Variants in ARID5B observed in about 807,000 individuals in gnomAD.
ARID5B encodes AT-rich interactive domain-containing protein 5B.
A neutral mutation model predicts 97.2 loss-of-function variants in ARID5B; 13 were observed. That is an observed-to-expected ratio of 0.13 (90% confidence interval 0.09 to 0.21). The LOEUF (loss-of-function observed/expected upper bound fraction) is 0.21, where lower values mean the gene tolerates loss of function less well. Ranked by LOEUF, ARID5B falls within the 10% of genes least tolerant of loss-of-function variation. ARID5B has a pLI of 1.00. For missense variants in ARID5B, 1,210 were observed against 1,465.3 expected (o/e 0.83, Z 2.84); for synonymous variants, 556 against 570.3 (o/e 0.97, Z 0.36).
chr10:62,077,086 G>T (rs1249613029), intron 8 of ARID5B, among the ~76,000 whole-genome samples: 2 of 152,154 alleles, frequency 1.3e-5, no homozygotes, highest in African/African-American at 4.8e-5. Flanking sequence ...ACTCCACCAA[G>T]CTTGTTCTTA....
chr10:61,940,748 A>G (rs1036128309), intron 3 of ARID5B, among the ~76,000 whole-genome samples: 1 of 151,210 alleles, frequency 6.6e-6, no homozygotes, highest in Non-Finnish European at 1.5e-5. Flanking sequence ...GTAGTATGAC[A>G]TCTATTAACA....
intron 4 of ARID5B, among the ~76,000 whole-genome samples, chr10:62,033,660 A>G (rs1008493386): frequency 6.6e-6 from 1 of 152,220 alleles, no homozygotes; most frequent in Non-Finnish European, 1.5e-5. Context: ...GAAATGATGT[A>G]TTAATATTAC....
chr10:62,023,590 A>G lies in ARID5B; in HGVS notation c.733+23269A>G, dbSNP rs564395315. ...TGGAAGAGGATAAGGAATTTAAAGC[A>G]GACTGTCAAGTCAGAAACAACAGAC... On this transcript the variant is annotated intron_variant, in intron 4 of 9. Transcript: ENST00000279873. 1.5e-4 allele frequency among the ~76,000 whole-genome samples: 23 copies of G among 152,362 alleles called. No homozygotes were observed. The South Asian group carries it at 4.8e-3, about 32-fold the overall frequency.
At chr10:61,957,707 A>G (rs1166043778) in intron 3 of ARID5B, among the ~76,000 whole-genome samples, 3 of 152,246 alleles carry the variant, frequency 2.0e-5, no homozygotes, top group Non-Finnish European at 2.9e-5. Flanking sequence ...GGCATGTTGA[A>G]ATAATATTTT....
intron 4 of ARID5B, among the ~76,000 whole-genome samples, chr10:62,011,230 C>A (rs1336110728): frequency 6.6e-6 from 1 of 152,160 alleles, no homozygotes; most frequent in Non-Finnish European, 1.5e-5. Flanking sequence ...AGTAGGAGAT[C>A]AAATCTTTTA....
chr10:62,016,211 C>T (rs1206964944), intron 4 of ARID5B, among the ~76,000 whole-genome samples: 1 of 152,232 alleles, frequency 6.6e-6, no homozygotes, highest in Non-Finnish European at 1.5e-5. Context: ...CACTCATACG[C>T]TTACATCTTA....
Position 62,000,183 on chromosome 10 carries a change from T to G in ARID5B, c.595T>G (p.Ser199Ala). 1 of 1,614,070 alleles carries G rather than the reference T, an allele frequency of 6.2e-7. No individual in the cohort carries two copies. The highest frequency in any genetic ancestry group is 8.5e-7 in the Non-Finnish European group (1 of 1,179,948). Residue 199 changes from serine (S) to alanine (A), a missense_variant, in exon 4 of 10, where the codon TCT (serine) becomes GCT (alanine). By Grantham distance (99) the Ser-to-Ala change is moderately conservative. Coordinates refer to ENST00000279873, the MANE Select transcript of ARID5B (RefSeq NM_032199.3). The surrounding 1 kb of genome is among the most constrained non-coding windows in gnomAD (Gnocchi z 4.4). ...GCTGAAACGCATCCAGGATAAGCCA[T>G]CTTCCATTCTAACGGACCAGTTTGC... is the stretch of plus-strand genomic sequence containing the variant. The part of the protein sequence containing the change: ...SMLKRIQDKP[S>A]SILTDQFALA...
chr10:61,902,383 T>C lies in ARID5B; in HGVS notation c.246T>C (p.Thr82=), dbSNP rs751607314. The C allele has an allele frequency of 3.7e-6, 6 of 1,613,936 alleles. No individual in the cohort carries two copies. In the Admixed American group the frequency reaches 6.7e-5, roughly 18 times the overall value. ...SSKLYFLPED[T]PQGRNSDHGE... is the part of the protein sequence containing the mutation. ...AACTTTATTTCCTCCCAGAAGACAC[T>C]CCCCAGGGCAGAAATAGCGACCATG... Residue 82 remains threonine, a synonymous_variant, in exon 2 of 10, where the codon ACT becomes ACC. Transcript: ENST00000279873.
At chr10:61,931,718 A>G (rs1345458434) in intron 2 of ARID5B, among the ~76,000 whole-genome samples, 4 of 152,250 alleles carry the variant, frequency 2.6e-5, no homozygotes, top group Non-Finnish European at 5.9e-5. Context: ...TTGGTGAGTT[A>G]GCACCTGAAG....
Position 62,091,140 on chromosome 10 carries a change from C to T in ARID5B, c.1677C>T (p.Ala559=), listed in dbSNP as rs550214367. 9.3e-6 allele frequency: 15 copies of T among 1,614,174 alleles called. No individual in the cohort carries two copies. Among genetic ancestry groups the T allele is most frequent in the Non-Finnish European group, 1.3e-5 (15 of 1,180,038 alleles). ...PEKDSALVPG[A]SKQPLTSPSA... ...AAGATTCAGCCTTGGTCCCTGGGGC[C>T]AGCAAACAGCCACTCACCTCTCCTA... The change falls in exon 10 of 10, where the codon GCC becomes GCT. Residue 559 remains alanine, a synonymous_variant. Coordinates refer to ENST00000279873, the MANE Select transcript of ARID5B (RefSeq NM_032199.3).
At chr10:62,014,528 A>G (rs1266281715) in intron 4 of ARID5B, among the ~76,000 whole-genome samples, 3 of 152,050 alleles carry the variant, frequency 2.0e-5, no homozygotes, top group Admixed American at 6.6e-5. Context: ...GGAGGTATAT[A>G]CTCTGTATGC....
intron 7 of ARID5B, among the ~76,000 whole-genome samples, chr10:62,063,785 A>T (rs1839952593): frequency 6.6e-6 from 1 of 152,232 alleles, no homozygotes; most frequent in South Asian, 2.1e-4. Context: ...ACATTTGAAG[A>T]GGTAGAGCTG....
intron 3 of ARID5B, among the ~76,000 whole-genome samples, chr10:61,951,954 G>A (rs939692298): frequency 2.6e-5 from 4 of 151,580 alleles, no homozygotes; most frequent in African/African-American, 4.9e-5. Context: ...TTTAATTATC[G>A]TTGGGCATTT....
intron 3 of ARID5B, among the ~76,000 whole-genome samples, chr10:61,990,505 T>C (rs1028703797): frequency 6.6e-6 from 1 of 152,220 alleles, no homozygotes; most frequent in African/African-American, 2.4e-5. Context: ...TGACTGCTCT[T>C]ATCCTTTGGA....
At chr10:61,973,305 A>G (rs1838655161) in intron 3 of ARID5B, among the ~76,000 whole-genome samples, 1 of 152,196 alleles carries the variant, frequency 6.6e-6, no homozygotes, top group Non-Finnish European at 1.5e-5. Context: ...TAGCAAAGTG[A>G]TGGGCTGAGA....
At chr10:62,045,445 G>C (rs1030849983) in intron 4 of ARID5B, among the ~76,000 whole-genome samples, 1 of 91,778 alleles carries the variant, frequency 1.1e-5, no homozygotes, top group African/African-American at 3.8e-5. Context: ...ACTTGCCAGG[G>C]TATTTTTTTT....
At chr10:62,037,656 T>G (rs1359556714) in intron 4 of ARID5B, among the ~76,000 whole-genome samples, 1 of 152,200 alleles carries the variant, frequency 6.6e-6, no homozygotes, top group African/African-American at 2.4e-5. Context: ...ACCGCCCCCC[T>G]TCTTTATTAT....
intron 4 of ARID5B, among the ~76,000 whole-genome samples, chr10:62,013,623 A>G (rs1220884538): frequency 6.6e-6 from 1 of 151,042 alleles, no homozygotes; most frequent in Non-Finnish European, 1.5e-5. Context: ...TCTACTCTCT[A>G]CTCCTAGGAA....
intron 7 of ARID5B, among the ~76,000 whole-genome samples, chr10:62,066,870 T>C (rs1839996497): frequency 6.6e-6 from 1 of 152,210 alleles, no homozygotes; most frequent in African/African-American, 2.4e-5. Flanking sequence ...GATATATGTG[T>C]TCACTCGTTG....
Sources: allele counts gnomAD v4.1 joint callset (sites outside exome capture counted in the v4.1 genomes callset), GRCh38; gene constraint gnomAD v4.1.1; non-coding constraint Gnocchi (gnomAD v3.1); transcripts MANE v1.5; gene names NCBI Gene and HGNC (gene_info 2026-07-23, HGNC 2026-07-21).